The following HNRNPC variants were observed in gnomAD, a reference collection of about 807,000 sequenced individuals.
HNRNPC encodes heterogeneous nuclear ribonucleoprotein C.
HNRNPC carries 3 observed loss-of-function variants against 33.2 expected under a neutral mutation model. The ratio of observed to expected loss-of-function variants is 0.09; its 90% CI spans 0.04 to 0.23. HNRNPC has a LOEUF of 0.23. HNRNPC is among the 10% of genes least tolerant of loss of function. The probability of loss-of-function intolerance (pLI) is 1.00; values close to 1 mark genes in which losing one functional copy is unlikely to be tolerated. For missense variants in HNRNPC, 143 were observed against 366.7 expected (o/e 0.39, Z 4.98); for synonymous variants, 121 against 126.7 (o/e 0.96, Z 0.30).
intron 3 of HNRNPC, chr14:21,231,433 T>C: frequency 4.4e-6 from 2 of 459,710 alleles, no homozygotes; most frequent in South Asian, 3.1e-5. Flanking sequence ...AATGGCTCAA[T>C]ACAGCCTAGA....
chr14:21,265,129 GTTAA>G lies in HNRNPC; in HGVS notation c.-62-1797_-62-1794del, dbSNP rs1211641091. The G allele has an allele frequency of 1.2e-4, 19 of 152,232 alleles. 1 individual carries two copies. Among genetic ancestry groups the G allele is most frequent in the African/African-American group, 3.6e-4 (15 of 41,468 alleles). The allele number at this position is 152,232 out of a possible 1,614,324, so 9.4% of individuals were successfully genotyped here. ...TAAAAAGAACAGTGTAGGAATGACAGTTAATTTTTACATTTGATGTGTGAAAACT... is the reference window on the plus strand; with the variant it reads ...TAAAAAGAACAGTGTAGGAATGACAGTTTTTACATTTGATGTGTGAAAACT... On this transcript the variant is annotated intron_variant, in intron 1 of 8. Coordinates refer to ENST00000553300, the MANE Select transcript of HNRNPC (RefSeq NM_004500.4).
intron 2 of HNRNPC, among the ~76,000 whole-genome samples, chr14:21,239,478 C>CA (rs920104242): frequency 2.2e-4 from 32 of 147,236 alleles, no homozygotes; most frequent in African/African-American, 3.5e-4. Context: ...GATTCTACCT[C>CA]AAAAAAAAAA....
chr14:21,250,166 T>C (rs1438198408), intron 2 of HNRNPC, among the ~76,000 whole-genome samples: 1 of 151,858 alleles, frequency 6.6e-6, no homozygotes, highest in South Asian at 2.1e-4. Context: ...GGCAGGGGAA[T>C]TGCTGTAACC....
At chr14:21,252,043 G>A (rs369148321) in intron 2 of HNRNPC, among the ~76,000 whole-genome samples, 45 of 152,192 alleles carry the variant, frequency 3.0e-4, no homozygotes, top group African/African-American at 1.1e-3. Context: ...GCCAAAACAG[G>A]AGATTATATC....
At chr14:21,253,607 A>G (rs907812761) in intron 2 of HNRNPC, among the ~76,000 whole-genome samples, 2 of 152,128 alleles carry the variant, frequency 1.3e-5, no homozygotes, top group Non-Finnish European at 2.9e-5. Context: ...CATTTTTACT[A>G]TTCAACTTAA....
intron 2 of HNRNPC, among the ~76,000 whole-genome samples, chr14:21,255,456 T>A (rs1203245430): frequency 6.6e-6 from 1 of 152,244 alleles, no homozygotes; most frequent in Non-Finnish European, 1.5e-5. Flanking sequence ...TCCCAAATGT[T>A]GATACAGGCA....
intron 2 of HNRNPC, among the ~76,000 whole-genome samples, chr14:21,259,267 A>G (rs948805135): frequency 1.3e-5 from 2 of 151,984 alleles, no homozygotes; most frequent in African/African-American, 4.8e-5. Context: ...AGCATCCCCC[A>G]AATTCCATGT....
chr14:21,225,638 A>G (rs1430136360), intron 5 of HNRNPC, among the ~76,000 whole-genome samples: 1 of 152,120 alleles, frequency 6.6e-6, no homozygotes, highest in Non-Finnish European at 1.5e-5. Context: ...ACTGGCAAGT[A>G]TCCTGATGTA....
At chr14:21,239,116 ACT>A (rs898736325) in intron 2 of HNRNPC, among the ~76,000 whole-genome samples, 13 of 152,074 alleles carry the variant, frequency 8.5e-5, no homozygotes, top group Admixed American at 5.2e-4. Flanking sequence ...AGAAGGAGAC[ACT>A]GTCTCAAAAA....
intron 5 of HNRNPC, 90 bp from the exon 6 acceptor site, chr14:21,213,207 T>C (rs952409220): frequency 3.1e-6 from 4 of 1,302,090 alleles, no homozygotes; most frequent in Non-Finnish European, 4.2e-6. Context: ...TAAGTGAATA[T>C]TGTCTCTAGT....
At chr14:21,245,286 A>C (rs888245964) in intron 2 of HNRNPC, among the ~76,000 whole-genome samples, 9 of 151,976 alleles carry the variant, frequency 5.9e-5, no homozygotes, top group African/African-American at 2.2e-4. Flanking sequence ...ACTTGAGGTC[A>C]GGAGTTCAAG....
In HNRNPC at chr14:21,211,170, A is replaced by G. The variant is rs534742193; in HGVS notation, c.*53T>C. The G allele has an allele frequency of 9.0e-6, 14 of 1,562,990 alleles. No homozygotes were observed. The South Asian group carries it at 1.6e-4, about 18-fold the overall frequency. ...TCTGGTGAAAAATTTGATCTTAGAC[A>G]AGCGCCTAGGTAAAGAAATAATGGG... On this transcript the variant is annotated 3_prime_UTR_variant, in exon 9 of 9. Transcript: ENST00000553300.
At chr14:21,216,359 T>C (rs1892186938) in intron 5 of HNRNPC, among the ~76,000 whole-genome samples, 1 of 152,192 alleles carries the variant, frequency 6.6e-6, no homozygotes, top group African/African-American at 2.4e-5. Flanking sequence ...ATTTGGTACA[T>C]GGACCATTTA....
intron 2 of HNRNPC, among the ~76,000 whole-genome samples, chr14:21,247,008 T>G (rs1358431807): frequency 6.6e-6 from 1 of 152,216 alleles, no homozygotes; most frequent in Non-Finnish European, 1.5e-5. Context: ...CAGTAAGGCT[T>G]CTACTCAGCA....
At chr14:21,229,065 C>T (rs563324041) in intron 5 of HNRNPC, among the ~76,000 whole-genome samples, 1 of 127,286 alleles carries the variant, frequency 7.9e-6, no homozygotes, top group East Asian at 2.3e-4. Flanking sequence ...AGCCTGGTGA[C>T]GAGAGGAAAA....
chr14:21,216,641 G>A (rs903052053), intron 5 of HNRNPC, among the ~76,000 whole-genome samples: 9 of 152,088 alleles, frequency 5.9e-5, no homozygotes, highest in Admixed American at 1.3e-4. Context: ...CCTAACAGGC[G>A]GAGTTCATAA....
intron 2 of HNRNPC, among the ~76,000 whole-genome samples, chr14:21,248,945 C>T (rs1342498794): frequency 6.6e-6 from 1 of 152,118 alleles, no homozygotes; most frequent in Non-Finnish European, 1.5e-5. Flanking sequence ...CAAATTATTT[C>T]AGTGCAGCAA....
intron 2 of HNRNPC, among the ~76,000 whole-genome samples, chr14:21,245,487 CTG>C (rs1308356414): frequency 6.8e-6 from 1 of 147,126 alleles, no homozygotes; most frequent in Non-Finnish European, 1.5e-5. Flanking sequence ...CAAAGCGAGA[CTG>C]TCGCCAAAAA....
At position 21,209,955 on chromosome 14, in the gene HNRNPC, CA is replaced by C. The variant is rs1891442756; in HGVS notation, c.*1267del. 2.0e-5 allele frequency: 3 copies of C among 152,152 alleles called. No individual in the cohort carries two copies. Among genetic ancestry groups the C allele is most frequent in the Admixed American group, 2.0e-4 (3 of 15,258 alleles). 9.4% of individuals were successfully genotyped at this position (152,152 alleles called of 1,614,324 possible). A position where few individuals can be genotyped will look rare whatever the true frequency, so the allele number is the denominator to read the frequency against. Reference sequence around the variant, plus strand: ...TGAGGAAAACACAAAGATTAGCTAACAGGGGTAAAAGATCATTTAGAGTAAA... The same window carrying C: ...TGAGGAAAACACAAAGATTAGCTAACGGGGTAAAAGATCATTTAGAGTAAA... On this transcript the variant is annotated 3_prime_UTR_variant, in exon 9 of 9. Coordinates refer to ENST00000553300, the MANE Select transcript of HNRNPC (RefSeq NM_004500.4).
Sources: allele counts gnomAD v4.1 joint callset (sites outside exome capture counted in the v4.1 genomes callset), GRCh38; gene constraint gnomAD v4.1.1; transcripts MANE v1.5; gene names NCBI Gene and HGNC (gene_info 2026-07-23, HGNC 2026-07-21).